The following TMEM168 variants were observed in gnomAD, a reference collection of about 807,000 sequenced individuals.
TMEM168 encodes transmembrane protein 168.
Under a neutral mutation model 53.2 loss-of-function variants are expected in TMEM168, and 40 were observed. The ratio of observed to expected loss-of-function variants is 0.75; its 90% confidence interval spans 0.58 to 0.98. TMEM168 has a LOEUF of 0.98. Ranked by LOEUF, TMEM168 falls within the 50% of genes least tolerant of loss-of-function variation. The probability of loss-of-function intolerance (pLI) is 0.00; values close to 1 mark genes in which losing one functional copy is unlikely to be tolerated. For missense variants in TMEM168, 771 were observed against 828.8 expected (o/e 0.93, Z 0.86); for synonymous variants, 282 against 293.0 (o/e 0.96, Z 0.38).
At position 112,773,037 on chromosome 7, in the gene TMEM168, T is replaced by A; in HGVS notation, c.1290A>T (p.Thr430=). ...TNFCSPDGQP[T]LLPPEHVQEL... is the part of the protein sequence containing the mutation. ...CCTGTACATGTTCTGGGGGAAGCAG[T>A]GTTGGCTGACCATCAGGACTGAAGT... Residue 430 remains threonine, a synonymous_variant, in exon 4 of 5, where the codon ACA becomes ACT. Coordinates refer to ENST00000312814, the MANE Select transcript of TMEM168 (RefSeq NM_022484.6). 6.2e-7 allele frequency: 1 copy of A among 1,605,738 alleles called. No homozygotes were observed. The highest frequency in any genetic ancestry group is 8.5e-7 in the Non-Finnish European group (1 of 1,173,338).
rs185109983 is a variant in TMEM168, at chr7:112,783,637, A to G, written c.1128+61T>C. On this transcript the variant is annotated intron_variant, in intron 2 of 4. Transcript: ENST00000312814. ...ACTTGACCTTATAACTTTAATTTCA[A>G]TTATTGAAGCTAGCATTTTATTACA... 1.3e-4 allele frequency: 174 copies of G among 1,362,888 alleles called. 1 individual carries two copies. In the African/African-American group the frequency reaches 2.1e-3, roughly 17 times the overall value. 84.4% of individuals were successfully genotyped at this position (1,362,888 alleles called of 1,614,324 possible).
At chr7:112,776,459 G>A (rs1435522506) in intron 2 of TMEM168, among the ~76,000 whole-genome samples, 1 of 151,938 alleles carries the variant, frequency 6.6e-6, no homozygotes, top group Non-Finnish European at 1.5e-5. Flanking sequence ...TATATGCCTA[G>A]GTGCATGAAC....
chr7:112,780,270 G>A (rs1793193560), intron 2 of TMEM168, among the ~76,000 whole-genome samples: 1 of 152,130 alleles, frequency 6.6e-6, no homozygotes, highest in South Asian at 2.1e-4. Context: ...TTATTCTGTA[G>A]ATTAGAAATA....
chr7:112,779,913 T>C (rs1793183827), intron 2 of TMEM168, among the ~76,000 whole-genome samples: 1 of 152,150 alleles, frequency 6.6e-6, no homozygotes, highest in African/African-American at 2.4e-5. Context: ...AAAACATACA[T>C]AGAAGTCTAA....
rs78649253 is a variant in TMEM168, at chr7:112,773,611, T to C, written c.1272-556A>G. Among the ~76,000 whole-genome samples, 923 of 152,164 alleles carry C rather than the reference T, an allele frequency of 6.1e-3. 21 individuals carry two copies. In the East Asian group the frequency reaches 0.083, roughly 14 times the overall value. On this transcript the variant is annotated intron_variant, in intron 3 of 4. Transcript: ENST00000312814. ...GTTATTAAAATTTAGGTCCATTGCT[T>C]TATACCACTGGACACTAGTTGAAGA...
Position 112,767,495 on chromosome 7 carries a change from G to A in TMEM168, c.1796C>T (p.Ser599Phe). ...TTCAGTCCAGCAGATGTTATTACTG[G>A]AGTTGCAGTTATATTCTACCCAGTC... is the stretch of plus-strand genomic sequence containing the variant. ...TKDWVEYNCN[S>F]SNNICWTEKG... is the part of the protein sequence containing the mutation. The change falls in exon 5 of 5, where the codon TCC becomes TTC. Residue 599 changes from serine (S) to phenylalanine (F), a missense_variant. By Grantham distance (155) the Ser-to-Phe change is radical (BLOSUM62 -2). Coordinates refer to ENST00000312814, the MANE Select transcript of TMEM168 (RefSeq NM_022484.6). 6 of 1,614,162 alleles carry A rather than the reference G, an allele frequency of 3.7e-6. No homozygotes were observed. The highest frequency in any genetic ancestry group is 5.1e-6 in the Non-Finnish European group (6 of 1,180,024).
chr7:112,765,172 G>GT lies in TMEM168; in HGVS notation c.*2024dup, dbSNP rs1409954396. 3.3e-5 allele frequency: 5 copies of GT among 152,084 alleles called. No individual in the cohort carries two copies. Among genetic ancestry groups the GT allele is most frequent in the African/African-American group, 9.7e-5 (4 of 41,382 alleles). The allele number at this position is 152,084 out of a possible 1,614,324, so 9.4% of individuals were successfully genotyped here. A position where few individuals can be genotyped will look rare whatever the true frequency, so the allele number is the denominator to read the frequency against. ...ATACCATCCCAAAAAGTCATTTATT[G>GT]TTTTTTGTTTGTTTGGGTAGGAGAA... On this transcript the variant is annotated 3_prime_UTR_variant, in exon 5 of 5. Transcript: ENST00000312814.
At chr7:112,780,681 A>G (rs566653486) in intron 2 of TMEM168, among the ~76,000 whole-genome samples, 1 of 152,318 alleles carries the variant, frequency 6.6e-6, no homozygotes, top group South Asian at 2.1e-4. Context: ...CCATGATTGT[A>G]CCATTGTACT....
chr7:112,773,122 A>T (rs1792975174), intron 3 of TMEM168, 67 bp from the exon 4 acceptor site: 1 of 1,471,166 alleles, frequency 6.8e-7, no homozygotes, highest in Non-Finnish European at 9.1e-7. Flanking sequence ...TTTGTAACTG[A>T]TTATCTAAGA....
rs924520153 is a variant in TMEM168, at chr7:112,762,898, T to C, written c.*4299A>G. The C allele has an allele frequency of 3.9e-5, 6 of 152,108 alleles. No homozygotes were observed. Among genetic ancestry groups the C allele is most frequent in the African/African-American group, 1.4e-4 (6 of 41,452 alleles). 9.4% of individuals were successfully genotyped at this position (152,108 alleles called of 1,614,324 possible). A position where few individuals can be genotyped will look rare whatever the true frequency, so the allele number is the denominator to read the frequency against. On this transcript the variant is annotated 3_prime_UTR_variant, in exon 5 of 5. Transcript: ENST00000312814. Reference sequence around the variant, plus strand: ...AGGTAAGACAATATAAAAAAGGAGATACTTATAGTTTCCCTAGCTTGTCCT... The same window carrying C: ...AGGTAAGACAATATAAAAAAGGAGACACTTATAGTTTCCCTAGCTTGTCCT...
Position 112,784,417 on chromosome 7 carries a change from A to T in TMEM168, c.409T>A (p.Cys137Ser), listed in dbSNP as rs766323228. ...LLTSIVLRIL[C>S]SLVERISGYV... is the part of the protein sequence containing the mutation. ...CCAGAAATTCTCTCCACCAGAGAGC[A>T]CAATATCCTTAACACTATGGATGTT... Residue 137 changes from cysteine (C) to serine (S), a missense_variant, in exon 2 of 5, where the codon TGC (cysteine) becomes AGC (serine). Cys to Ser is a moderately radical substitution (Grantham distance 112). Coordinates refer to ENST00000312814, the MANE Select transcript of TMEM168 (RefSeq NM_022484.6). The T allele has an allele frequency of 1.9e-6, 3 of 1,614,138 alleles. No homozygotes were observed. Among genetic ancestry groups the T allele is most frequent in the Non-Finnish European group, 2.5e-6 (3 of 1,180,010 alleles).
At chr7:112,773,428 ACTT>A (rs1792984012) in intron 3 of TMEM168, among the ~76,000 whole-genome samples, 1 of 150,560 alleles carries the variant, frequency 6.6e-6, no homozygotes, top group Non-Finnish European at 1.5e-5. Flanking sequence ...TATTAAAAAA[ACTT>A]CTTTAAAAAT....
At chr7:112,787,534 C>A (rs1275451522) in intron 1 of TMEM168, among the ~76,000 whole-genome samples, 1 of 152,006 alleles carries the variant, frequency 6.6e-6, no homozygotes, top group African/African-American at 2.4e-5. Context: ...CCTGCCTCAG[C>A]CTCCAGAGTA....
chr7:112,782,172 C>T (rs1793249297), intron 2 of TMEM168, among the ~76,000 whole-genome samples: 3 of 152,136 alleles, frequency 2.0e-5, no homozygotes, highest in Admixed American at 2.0e-4. Context: ...AATGCTATCA[C>T]CTACAGCTAA....
rs1444492426 is a variant in TMEM168 at position 112,767,446 on chromosome 7, T to C, written c.1845A>G (p.Val615=). ...WTEKGRTVKA[V]YGVSKRWSDY... The stretch of plus-strand genomic sequence containing the variant: ...CACTCCACCGTTTTGACACACCATA[T>C]ACTGCTTTCACTGTGCGTCCCTTTT... Residue 615 remains valine, a synonymous_variant, in exon 5 of 5, where the codon GTA becomes GTG. Transcript: ENST00000312814. The C allele has an allele frequency of 4.3e-6, 7 of 1,614,198 alleles. No individual in the cohort carries two copies. The highest frequency in any genetic ancestry group is 2.2e-5 in the South Asian group (2 of 91,088).
intron 1 of TMEM168, among the ~76,000 whole-genome samples, chr7:112,788,726 T>C (rs1301939760): frequency 1.3e-5 from 2 of 152,174 alleles, no homozygotes; most frequent in Non-Finnish European, 2.9e-5. Flanking sequence ...CCTTACATAC[T>C]ATTCTAACCC....
chr7:112,784,030 A>T lies in TMEM168; in HGVS notation c.796T>A (p.Ser266Thr), dbSNP rs1462309081. The T allele has an allele frequency of 6.2e-7, 1 of 1,612,992 alleles. No homozygotes were observed. The highest frequency in any genetic ancestry group is 8.5e-7 in the Non-Finnish European group (1 of 1,179,850). Residue 266 changes from serine to threonine, a missense_variant, in exon 2 of 5, where the codon TCA (serine) becomes ACA (threonine). Physicochemically the swap from Ser to Thr is moderately conservative, Grantham distance 58. Transcript: ENST00000312814. ...LYRGRICRRL[S>T]VVFAGMIELT... Reference sequence around the variant, plus strand: ...TCAATCATTCCAGCAAAAACGACTGAAAGTCTTCTGCAAATTCTTCCACGG... The same window carrying T: ...TCAATCATTCCAGCAAAAACGACTGTAAGTCTTCTGCAAATTCTTCCACGG...
Position 112,764,492 on chromosome 7 carries a change from T to C in TMEM168, c.*2705A>G, listed in dbSNP as rs924193959. On this transcript the variant is annotated 3_prime_UTR_variant, in exon 5 of 5. Transcript: ENST00000312814. ...ATATTTCTTTTCTACACCCTTATTA[T>C]TTTTTTTGTTTGTTTCTTTTTTTTT... 2.2e-5 allele frequency: 3 copies of C among 138,680 alleles called. No homozygotes were observed. The highest frequency in any genetic ancestry group is 1.0e-4 in the African/African-American group (3 of 29,334). The allele number at this position is 138,680 out of a possible 1,614,324, so 8.6% of individuals were successfully genotyped here.
At chr7:112,788,810 T>C (rs1347997201) in intron 1 of TMEM168, among the ~76,000 whole-genome samples, 1 of 152,188 alleles carries the variant, frequency 6.6e-6, no homozygotes, top group Non-Finnish European at 1.5e-5. Context: ...TTTTTAAATG[T>C]TTCTACTTCT....
Sources: allele counts gnomAD v4.1 joint callset (sites outside exome capture counted in the v4.1 genomes callset), GRCh38; gene constraint gnomAD v4.1.1; transcripts MANE v1.5; gene names NCBI Gene and HGNC (gene_info 2026-07-23, HGNC 2026-07-21).